Variants in NUBPL observed in about 807,000 individuals in gnomAD.
NUBPL encodes NUBP iron-sulfur cluster assembly factor, mitochondrial.
In NUBPL, 31 loss-of-function variants were observed where a neutral mutation model predicts 45.7. The observed-to-expected ratio is 0.68, with a 90% CI of 0.51 to 0.92. The LOEUF (loss-of-function observed/expected upper bound fraction) is 0.92. Ranked by LOEUF, NUBPL falls within the 40% of genes least tolerant of loss-of-function variation. NUBPL has a pLI of 0.00. For synonymous variants in NUBPL, 144 were observed against 140.9 expected (o/e 1.02, Z -0.15); for missense variants, 401 against 398.7 (o/e 1.01, Z -0.05).
At chr14:31,758,733 T>TA (rs918421193) in intron 6 of NUBPL, among the ~76,000 whole-genome samples, 2 of 152,154 alleles carry the variant, frequency 1.3e-5, no homozygotes, top group Admixed American at 6.6e-5. Context: ...TACTCTTTTT[T>TA]AAAAAAATAC....
rs187823440 is a variant in NUBPL, at chr14:31,636,480, G to A, written c.383-36875G>A. Among the ~76,000 whole-genome samples the A allele has an allele frequency of 2.9e-3, 409 of 139,200 alleles. 1 individual carries two copies. The highest frequency in any genetic ancestry group is 4.9e-3 in the Admixed American group (74 of 14,992). The allele number at this position is 139,200 out of a possible 152,430, so 91.3% of individuals were successfully genotyped here. A position where few individuals can be genotyped will look rare whatever the true frequency, so the allele number is the denominator to read the frequency against. ...TAGATAAGCTTTTTGATGTGCTGCT[G>A]GATTGGTTTGCCAGTATTTTATTGA... On this transcript the variant is annotated intron_variant, in intron 4 of 10. Coordinates refer to ENST00000281081, the MANE Select transcript of NUBPL (RefSeq NM_025152.3).
chr14:31,834,103 G>A (rs576389992), intron 8 of NUBPL, among the ~76,000 whole-genome samples: 1 of 150,160 alleles, frequency 6.7e-6, no homozygotes, highest in African/African-American at 2.4e-5. Flanking sequence ...AGGAGAGATA[G>A]AAATTCTACC....
chr14:31,576,035 G>T (rs2033708411), intron 3 of NUBPL, among the ~76,000 whole-genome samples: 1 of 152,088 alleles, frequency 6.6e-6, no homozygotes, highest in Non-Finnish European at 1.5e-5. Flanking sequence ...AACTATATTT[G>T]TAATTATAAA....
intron 8 of NUBPL, among the ~76,000 whole-genome samples, chr14:31,838,631 G>T (rs139642248): frequency 1.9e-4 from 29 of 152,260 alleles, no homozygotes; most frequent in African/African-American, 6.7e-4. Context: ...TTTATTAACA[G>T]GGTCTTGGTA....
intron 4 of NUBPL, among the ~76,000 whole-genome samples, chr14:31,646,985 C>A (rs2035873021): frequency 6.6e-6 from 1 of 152,066 alleles, no homozygotes; most frequent in Non-Finnish European, 1.5e-5. Context: ...CAGTCTGCTG[C>A]TGACTACTTC....
intron 3 of NUBPL, chr14:31,578,036 G>A: frequency 8.3e-7 from 1 of 1,204,290 alleles, no homozygotes; most frequent in African/African-American, 1.5e-5. Context: ...GTAAGTGATT[G>A]AAAACAGATT....
At chr14:31,605,375 A>C (rs549983294) in intron 4 of NUBPL, among the ~76,000 whole-genome samples, 2 of 152,286 alleles carry the variant, frequency 1.3e-5, no homozygotes, top group African/African-American at 4.8e-5. Flanking sequence ...AGAGTCTTTA[A>C]ATGTAATGAG....
intron 3 of NUBPL, among the ~76,000 whole-genome samples, chr14:31,572,798 T>C (rs946633835): frequency 2.0e-5 from 3 of 152,194 alleles, no homozygotes; most frequent in Non-Finnish European, 4.4e-5. Flanking sequence ...CAAAGCTAGA[T>C]AGTATAGCCT....
intron 9 of NUBPL, among the ~76,000 whole-genome samples, chr14:31,849,694 G>C (rs755216737): frequency 2.0e-5 from 3 of 152,136 alleles, no homozygotes; most frequent in Non-Finnish European, 4.4e-5. Flanking sequence ...ACATCAGGAA[G>C]GTTATTTTGT....
At chr14:31,575,521 AT>A (rs1310950451) in intron 3 of NUBPL, among the ~76,000 whole-genome samples, 1 of 152,198 alleles carries the variant, frequency 6.6e-6, no homozygotes, top group East Asian at 1.9e-4. Flanking sequence ...AGTTGTTCTT[AT>A]TAGCTCCGTG....
At chr14:31,801,841 A>G (rs1397934051) in intron 7 of NUBPL, among the ~76,000 whole-genome samples, 2 of 152,216 alleles carry the variant, frequency 1.3e-5, no homozygotes, top group African/African-American at 4.8e-5. Context: ...GGTACAGGAC[A>G]CAGCTAGACA....
intron 7 of NUBPL, among the ~76,000 whole-genome samples, chr14:31,800,501 C>G (rs1003013843): frequency 6.6e-6 from 1 of 152,090 alleles, no homozygotes; most frequent in Non-Finnish European, 1.5e-5. Flanking sequence ...CAAAATGTGA[C>G]ACACAACCAC....
At chr14:31,768,859 GC>G (rs1200745779) in intron 6 of NUBPL, among the ~76,000 whole-genome samples, 1 of 152,152 alleles carries the variant, frequency 6.6e-6, no homozygotes, top group African/African-American at 2.4e-5. Flanking sequence ...TGGGGGCCAT[GC>G]AAAGGGGAAG....
chr14:31,619,532 C>G (rs902619345), intron 4 of NUBPL, among the ~76,000 whole-genome samples: 14 of 152,118 alleles, frequency 9.2e-5, no homozygotes, highest in Admixed American at 8.5e-4. Flanking sequence ...TTTATTTCTG[C>G]TTTGCTTATG....
intron 6 of NUBPL, among the ~76,000 whole-genome samples, chr14:31,717,106 G>T (rs571896403): frequency 6.6e-6 from 1 of 152,208 alleles, no homozygotes; most frequent in South Asian, 2.1e-4. Flanking sequence ...TTGGACAAAA[G>T]TTCAAAATCT....
intron 4 of NUBPL, among the ~76,000 whole-genome samples, chr14:31,610,625 A>G (rs2034729137): frequency 1.3e-5 from 2 of 150,322 alleles, no homozygotes; most frequent in Admixed American, 1.3e-4. Flanking sequence ...AAAAAAAAAA[A>G]AAAAAGAAAG....
intron 7 of NUBPL, among the ~76,000 whole-genome samples, chr14:31,823,003 T>C (rs1291353971): frequency 6.6e-6 from 1 of 152,058 alleles, no homozygotes; most frequent in Non-Finnish European, 1.5e-5. Flanking sequence ...AAAACTTTTA[T>C]TTTTTTAATG....
intron 3 of NUBPL, among the ~76,000 whole-genome samples, chr14:31,571,565 T>A (rs561037917): frequency 6.6e-6 from 1 of 152,144 alleles, no homozygotes; most frequent in South Asian, 2.1e-4. Context: ...TTCTCCTGCC[T>A]CAGCCTCCCA....
intron 3 of NUBPL, among the ~76,000 whole-genome samples, chr14:31,586,860 G>C (rs1345499066): frequency 6.6e-6 from 1 of 152,002 alleles, no homozygotes; most frequent in Non-Finnish European, 1.5e-5. Flanking sequence ...TCCAGGTTTG[G>C]GTAATGAATG....
Sources: allele counts gnomAD v4.1 joint callset (sites outside exome capture counted in the v4.1 genomes callset), GRCh38; gene constraint gnomAD v4.1.1; transcripts MANE v1.5; gene names NCBI Gene and HGNC (gene_info 2026-07-23, HGNC 2026-07-21).